The following EFCAB7 variants were observed in gnomAD, a reference collection of about 807,000 sequenced individuals.
EFCAB7 encodes the protein EF-hand calcium-binding domain-containing protein 7.
A neutral mutation model predicts 77.1 loss-of-function variants in EFCAB7; 66 were observed. The observed-to-expected ratio is 0.86, with a 90% CI of 0.70 to 1.05. The LOEUF (loss-of-function observed/expected upper bound fraction) is 1.05, where lower values mean the gene tolerates loss of function less well. EFCAB7 is among the 50% of genes least tolerant of loss of function. The probability of loss-of-function intolerance (pLI) is 0.00; values close to 1 mark genes in which losing one functional copy is unlikely to be tolerated. For missense variants in EFCAB7, 638 were observed against 730.5 expected (o/e 0.87, Z 1.46); for synonymous variants, 225 against 243.3 (o/e 0.92, Z 0.70).
intron 13 of EFCAB7, among the ~76,000 whole-genome samples, chr1:63,571,783 C>T (rs1647268804): frequency 6.6e-6 from 1 of 150,598 alleles, no homozygotes; most frequent in African/African-American, 2.4e-5. Context: ...CTTTTTACAT[C>T]ATATAGAAAT....
intron 2 of EFCAB7, among the ~76,000 whole-genome samples, chr1:63,528,362 T>C (rs1010809001): frequency 1.3e-5 from 2 of 152,108 alleles, no homozygotes; most frequent in African/African-American, 2.4e-5. Context: ...TTCTTTCTTA[T>C]CTGTGGGAGC....
At chr1:63,582,486 C>A in the EFCAB7 span, among the ~76,000 whole-genome samples, 73 of 152,220 alleles carry the variant, frequency 4.8e-4, 1 homozygote, top group African/African-American at 1.4e-3. Context: ...TGCAAAATAC[C>A]TTTTCATCTC....
intron 7 of EFCAB7, 133 bp from the exon 8 acceptor site, chr1:63,551,592 A>G (rs78148892): frequency 2.2e-4 from 27 of 121,548 alleles, no homozygotes; most frequent in African/African-American, 1.3e-3. Flanking sequence ...CTCCGTCTTG[A>G]AAAAAAAAAA....
intron 6 of EFCAB7, among the ~76,000 whole-genome samples, chr1:63,543,672 C>T (rs764019408): frequency 3.3e-5 from 5 of 152,174 alleles, no homozygotes; most frequent in Non-Finnish European, 7.4e-5. Flanking sequence ...TTATTTTTGC[C>T]TTTGCAGTGA....
At chr1:63,564,001 A>T (rs368009596) in intron 11 of EFCAB7, among the ~76,000 whole-genome samples, 1 of 151,944 alleles carries the variant, frequency 6.6e-6, no homozygotes, top group South Asian at 2.1e-4. Flanking sequence ...GAATTTCATG[A>T]TATTAATTTC....
intron 2 of EFCAB7, among the ~76,000 whole-genome samples, chr1:63,531,315 C>A (rs917752877): frequency 1.8e-4 from 26 of 145,750 alleles, no homozygotes; most frequent in African/African-American, 5.7e-4. Flanking sequence ...TTTCACTTAA[C>A]ATGTTGTCCT....
At chr1:63,562,496 A>ATAT (rs1647120461) in intron 11 of EFCAB7, among the ~76,000 whole-genome samples, 1 of 60,382 alleles carries the variant, frequency 1.7e-5, no homozygotes, top group Non-Finnish European at 3.3e-5. Flanking sequence ...TATATATATA[A>ATAT]AACTTTTTTT....
chr1:63,582,856 C>T, the EFCAB7 span, among the ~76,000 whole-genome samples: 3 of 152,188 alleles, frequency 2.0e-5, no homozygotes, highest in East Asian at 1.9e-4. Flanking sequence ...CCACCCACCT[C>T]GGCCTCCCAA....
rs541535191 is a variant in EFCAB7, at chr1:63,564,596, G to T, written c.1497+2739G>T. Among the ~76,000 whole-genome samples the T allele has an allele frequency of 3.9e-3, 597 of 152,216 alleles. 3 individuals are homozygous for T. The highest frequency in any genetic ancestry group is 0.014 in the African/African-American group (575 of 41,516). On this transcript the variant is annotated intron_variant, in intron 11 of 13. Coordinates refer to ENST00000371088, the MANE Select transcript of EFCAB7 (RefSeq NM_032437.4). ...AAATGGAAAAACATTTGATGCTCAT[G>T]GATAGGAAGAATCAATATCGTTAAA...
intron 7 of EFCAB7, chr1:63,548,686 ATCTG>A (rs1270122632): frequency 9.9e-5 from 15 of 152,232 alleles, no homozygotes; most frequent in African/African-American, 3.6e-4. Flanking sequence ...CCTGGGAAAG[ATCTG>A]TCTTTCCTTG....
chr1:63,538,461 C>CT (rs71584404), intron 6 of EFCAB7, among the ~76,000 whole-genome samples: 28 of 146,374 alleles, frequency 1.9e-4, no homozygotes, highest in East Asian at 8.0e-4. Flanking sequence ...TTTTCTTTTT[C>CT]TTTTTTTTTT....
chr1:63,556,504 A>G (rs1189045034), intron 9 of EFCAB7, among the ~76,000 whole-genome samples: 4 of 152,074 alleles, frequency 2.6e-5, no homozygotes, highest in Non-Finnish European at 1.5e-5. Flanking sequence ...ATTTCTCCCT[A>G]TTGGTAGAGA....
chr1:63,538,740 C>T (rs116569773), intron 6 of EFCAB7, among the ~76,000 whole-genome samples: 3,749 of 152,118 alleles, frequency 0.025, 79 homozygotes, highest in South Asian at 0.078. Flanking sequence ...CGTGAGCCAC[C>T]GCACCCAGCC....
Position 63,531,934 on chromosome 1 carries a change from C to T in EFCAB7, c.302C>T (p.Pro101Leu). The T allele has an allele frequency of 6.2e-7, 1 of 1,612,882 alleles. No homozygotes were observed. The highest frequency in any genetic ancestry group is 8.5e-7 in the Non-Finnish European group (1 of 1,179,312). The part of the protein sequence containing the change: ...DFCIILRKEK[P>L]TSKAELLKSF... Reference sequence around the variant, plus strand: ...TGTATAATTTTAAGGAAGGAAAAACCTACTTCAAAAGCAGAACTACTAAAA... The same window carrying T: ...TGTATAATTTTAAGGAAGGAAAAACTTACTTCAAAAGCAGAACTACTAAAA... Residue 101 changes from proline (P) to leucine (L), a missense_variant, in exon 3 of 14, where the codon CCT becomes CTT. Physicochemically the swap from Pro to Leu is moderately conservative, Grantham distance 98. Coordinates refer to ENST00000371088, the MANE Select transcript of EFCAB7 (RefSeq NM_032437.4).
chr1:63,524,826 G>A (rs755209430), intron 1 of EFCAB7, among the ~76,000 whole-genome samples: 35 of 152,196 alleles, frequency 2.3e-4, no homozygotes, highest in Non-Finnish European at 4.7e-4. Flanking sequence ...ATACCTGACC[G>A]CTGTAATAGG....
intron 2 of EFCAB7, among the ~76,000 whole-genome samples, chr1:63,529,439 C>T (rs12088139): frequency 0.35 from 53,040 of 151,852 alleles, 9,437 homozygotes; most frequent in East Asian, 0.48. Flanking sequence ...TCTTGCCAGG[C>T]GCGGTGGCTC....
chr1:63,566,616 T>C (rs1215481858), intron 11 of EFCAB7, among the ~76,000 whole-genome samples: 1 of 152,096 alleles, frequency 6.6e-6, no homozygotes, highest in Non-Finnish European at 1.5e-5. Flanking sequence ...CTGATAATCA[T>C]GACTTAAAAA....
chr1:63,534,159 T>C lies in EFCAB7; in HGVS notation c.747T>C (p.Val249=). 6.2e-7 allele frequency: 1 copy of C among 1,613,418 alleles called. No homozygotes were observed. The highest frequency in any genetic ancestry group is 1.3e-5 in the African/African-American group (1 of 75,022). ...RKFKTSVSFT[V]TMGANGNRNS... is the part of the protein sequence containing the mutation. The stretch of plus-strand genomic sequence containing the variant: ...TCAAAACATCTGTTTCCTTCACAGT[T>C]ACCATGGGGGCTAATGGTAACCGAA... The change falls in exon 6 of 14, where the codon GTT becomes GTC. Residue 249 remains valine, a synonymous_variant. Transcript: ENST00000371088.
intron 13 of EFCAB7, among the ~76,000 whole-genome samples, chr1:63,571,553 A>C (rs1188706220): frequency 6.6e-6 from 1 of 151,462 alleles, no homozygotes; most frequent in Non-Finnish European, 1.5e-5. Context: ...GACGCCTGTA[A>C]TTCCAGCTAC....
Sources: gnomAD v4.1 joint callset for allele counts (sites outside exome capture counted in the v4.1 genomes callset) on GRCh38, gnomAD v4.1.1 for gene constraint, MANE v1.5 for transcripts, NCBI Gene and HGNC (gene_info 2026-07-23, HGNC 2026-07-21) for gene names.